EP400: variants seen among roughly 807,000 people sequenced by gnomAD.
EP400 encodes E1A binding protein p400, also known as E1A-binding protein p400.
EP400 carries 105 observed loss-of-function variants against 354.1 expected under a neutral mutation model. The ratio of observed to expected loss-of-function variants is 0.30; its 90% CI spans 0.25 to 0.35. The LOEUF is 0.35. EP400 is among the 10% of genes least tolerant of loss of function. The pLI is 1.00. For missense variants in EP400, 3,280 were observed against 4,121.0 expected, an observed-to-expected ratio of 0.80 and a Z score of 5.59; for synonymous variants, 1,646 against 1,716.9, an observed-to-expected ratio of 0.96 and a Z score of 1.02.
chr12:131,997,275 CTTTTTTTTTTTTT>C (rs918686798), intron 12 of EP400, among the ~76,000 whole-genome samples: 6 of 144,458 alleles, frequency 4.2e-5, no homozygotes, highest in Admixed American at 1.4e-4. Context: ...TTTTCTTTTT[CTTTTTTTTTTTTT>C]GAGACAGAGT....
intron 39 of EP400, among the ~76,000 whole-genome samples, chr12:132,048,293 T>C (rs1377276478): frequency 6.6e-6 from 1 of 152,172 alleles, no homozygotes; most frequent in African/African-American, 2.4e-5. Flanking sequence ...ACAATTTATG[T>C]TTAGAGATTG....
In EP400 at chr12:132,027,476, T is replaced by C; in HGVS notation, c.5054T>C (p.Val1685Ala). The stretch of plus-strand genomic sequence containing the variant: ...CGCGTGGCGGTGAATGCCTTGGCTG[T>C]AGGAGAACCCGGAACGGCCTCCAAA... ...PGRVAVNALA[V>A]GEPGTASKPA... Residue 1685 changes from valine (V) to alanine (A), a missense_variant, in exon 26 of 53, where the codon GTA becomes GCA. Around this residue, in one of 20 missense-constraint regions of EP400, gnomAD observed 459 missense variants for 496.9 expected, o/e 0.92. Coordinates refer to ENST00000389561, the MANE Select transcript of EP400 (RefSeq NM_015409.5). The surrounding 1 kb of genome is among the most constrained non-coding windows in gnomAD (Gnocchi z 4.9). 1 of 1,614,074 alleles carries C rather than the reference T, an allele frequency of 6.2e-7. No homozygotes were observed. Among genetic ancestry groups the C allele is most frequent in the South Asian group, 1.1e-5 (1 of 91,082 alleles).
rs58724167 is a variant in EP400, at chr12:132,073,459, C to CTTTTTTTTTTTTTTTTTTTTTTTTTTTT, written c.9022-3043_9022-3042insTTTTTTTTTTTTTTTTTTTTTTTTTTTT. Among the ~76,000 whole-genome samples the CTTTTTTTTTTTTTTTTTTTTTTTTTTTT allele has an allele frequency of 4.7e-4, 55 of 117,692 alleles. 11 individuals carry two copies. The highest frequency in any genetic ancestry group is 1.4e-3 in the African/African-American group (32 of 22,640). The allele number at this position is 117,692 out of a possible 152,430, so 77.2% of individuals were successfully genotyped here. On this transcript the variant is annotated intron_variant, in intron 51 of 52. Transcript: ENST00000389561. Reference sequence around the variant, plus strand: ...GTGCGTTTTAATTCTGTCCCTTTTCCTTTTTTTTTTTTTTGACACAGTCTT... The same window carrying CTTTTTTTTTTTTTTTTTTTTTTTTTTTT: ...GTGCGTTTTAATTCTGTCCCTTTTCCTTTTTTTTTTTTTTTTTTTTTTTTTTTTTTTTTTTTTTTTTTGACACAGTCTT...
rs1245023391 is a variant in EP400 at position 132,080,346 on chromosome 12, A to G, written c.*2673A>G. The G allele has an allele frequency of 6.5e-6, 1 of 152,682 alleles. No individual in the cohort carries two copies. Among genetic ancestry groups the G allele is most frequent in the African/African-American group, 2.4e-5 (1 of 41,468 alleles). The allele number at this position is 152,682 out of a possible 1,614,324, so 9.5% of individuals were successfully genotyped here. ...TTGTGTTTTAAGATAGAAAGGAACA[A>G]GACTAAAATTGTAAATACTTTGTAA... is the stretch of plus-strand genomic sequence containing the variant. On this transcript the variant is annotated 3_prime_UTR_variant, in exon 53 of 53. Transcript: ENST00000389561.
At position 132,050,215 on chromosome 12, in the gene EP400, A is replaced by G; in HGVS notation, c.7201-108A>G. On this transcript the variant is annotated intron_variant, in intron 39 of 52. Transcript: ENST00000389561. This position sits in a 1 kb window ranked among gnomAD's most constrained non-coding sequence, Gnocchi z 4.8. ...GCCCAGGAAAAGGAAGTTTGTGTTC[A>G]GCCATGGGGAGTTTAGCCTCAGATT... 1 of 1,336,164 alleles carries G rather than the reference A, an allele frequency of 7.5e-7. No homozygotes were observed. The highest frequency in any genetic ancestry group is 1.0e-6 in the Non-Finnish European group (1 of 972,866). 82.8% of individuals were successfully genotyped at this position (1,336,164 alleles called of 1,614,324 possible).
intron 2 of EP400, among the ~76,000 whole-genome samples, chr12:131,966,039 A>G (rs1446308027): frequency 7.2e-6 from 1 of 139,276 alleles, no homozygotes; most frequent in Non-Finnish European, 1.6e-5. Context: ...GGCTGATTTC[A>G]AAAAAAAAAA....
At chr12:131,956,197 G>A (rs954493671) in intron 1 of EP400, among the ~76,000 whole-genome samples, 1 of 152,196 alleles carries the variant, frequency 6.6e-6, no homozygotes, top group African/African-American at 2.4e-5. Flanking sequence ...CAACTGTGTT[G>A]TGGGTGTGTC....
chr12:132,000,874 TCA>T (rs1334417162), intron 12 of EP400, among the ~76,000 whole-genome samples: 1 of 152,256 alleles, frequency 6.6e-6, no homozygotes, highest in Non-Finnish European at 1.5e-5. Flanking sequence ...TGCTCTGTAT[TCA>T]GACTTTCAGT....
chr12:132,060,305 CACTG>C (rs1438277195), intron 45 of EP400, among the ~76,000 whole-genome samples: 2 of 152,108 alleles, frequency 1.3e-5, no homozygotes, highest in Non-Finnish European at 2.9e-5. Context: ...GATAGGTAGT[CACTG>C]ACTATCAGAC....
intron 2 of EP400, among the ~76,000 whole-genome samples, chr12:131,978,944 C>T (rs934484012): frequency 1.3e-5 from 2 of 151,998 alleles, no homozygotes; most frequent in African/African-American, 2.4e-5. Context: ...TGGCTGGGTG[C>T]GGTGGCTCAC....
chr12:131,979,647 A>G, intron 2 of EP400, 47 bp from the exon 3 acceptor site: 3 of 1,521,490 alleles, frequency 2.0e-6, no homozygotes, highest in Middle Eastern at 1.7e-4. Flanking sequence ...TTATTCTTGT[A>G]ATGGCCTTCA....
Position 131,982,174 on chromosome 12 carries a change from C to T in EP400, c.1625C>T (p.Pro542Leu), listed in dbSNP as rs1030129109. The T allele has an allele frequency of 6.2e-7, 1 of 1,611,644 alleles. No individual in the cohort carries two copies. The highest frequency in any genetic ancestry group is 1.3e-5 in the African/African-American group (1 of 75,020). ...SQQQYDPSTGPPVQNAASLHT... is the reference protein window; with the variant it reads ...SQQQYDPSTGLPVQNAASLHT... ...CAGCAGTATGACCCCTCCACGGGGC[C>T]TCCCGTGCAGAACGCTGCCAGCTTG... Residue 542 changes from proline (P) to leucine (L), a missense_variant, in exon 5 of 53, where the codon CCT (proline) becomes CTT (leucine). Physicochemically the swap from Pro to Leu is moderately conservative, Grantham distance 98. Around this residue, in one of 20 missense-constraint regions of EP400, gnomAD observed 800 missense variants for 840.0 expected, o/e 0.95. Coordinates refer to ENST00000389561, the MANE Select transcript of EP400 (RefSeq NM_015409.5).
At chr12:132,071,722 C>T (rs899520824) in intron 51 of EP400, among the ~76,000 whole-genome samples, 5 of 152,128 alleles carry the variant, frequency 3.3e-5, no homozygotes, top group Admixed American at 2.0e-4. Context: ...CCCTGCTGCC[C>T]ACGGCTCCTG....
chr12:132,034,055 G>T (rs1894612566), intron 30 of EP400, among the ~76,000 whole-genome samples: 1 of 152,182 alleles, frequency 6.6e-6, no homozygotes, highest in South Asian at 2.1e-4. Flanking sequence ...GGCTCACACT[G>T]TGTCTTCTTT....
chr12:132,028,322 C>G (rs1470125326), intron 27 of EP400, 34 bp downstream of exon 27: 3 of 1,601,444 alleles, frequency 1.9e-6, no homozygotes, highest in Non-Finnish European at 2.6e-6. Flanking sequence ...TCGGTGCTCT[C>G]TGGCTGCATT....
chr12:131,979,604 G>T (rs1420909063), intron 2 of EP400, 90 bp from the exon 3 acceptor site: 1 of 1,140,782 alleles, frequency 8.8e-7, no homozygotes, highest in Non-Finnish European at 1.2e-6. Flanking sequence ...AAGGAAGGAG[G>T]TCGATGTTTG....
chr12:132,055,273 G>T, intron 45 of EP400, 65 bp downstream of exon 45: 2 of 1,291,870 alleles, frequency 1.5e-6, no homozygotes, highest in Non-Finnish European at 2.1e-6. Context: ...TTGCTTGTCT[G>T]TTAATTCTTC....
Position 132,017,697 on chromosome 12 carries a change from G to A in EP400, c.4086G>A (p.Lys1362=), listed in dbSNP as rs1047731806. 2.0e-6 allele frequency: 3 copies of A among 1,532,920 alleles called. No homozygotes were observed. The East Asian group carries it at 7.0e-5, about 36-fold the overall frequency. 95.0% of individuals were successfully genotyped at this position (1,532,920 alleles called of 1,614,324 possible). A position where few individuals can be genotyped will look rare whatever the true frequency, so the allele number is the denominator to read the frequency against. ...LEYPSASLIL[K]ALERDFWKEA... ...ATCCGTCCGCATCTCTAATCCTGAA[G>A]GCACTGGAGAGAGATTTCTGGAAGG... Residue 1362 remains lysine (K), a synonymous_variant, in exon 20 of 53, where the codon AAG becomes AAA. Transcript: ENST00000389561. The surrounding 1 kb of genome is among the most constrained non-coding windows in gnomAD (Gnocchi z 5.0).
chr12:132,011,632 C>A lies in EP400; in HGVS notation c.3439C>A (p.Gln1147Lys). 6.3e-7 allele frequency: 1 copy of A among 1,591,000 alleles called. No individual in the cohort carries two copies. The highest frequency in any genetic ancestry group is 2.2e-5 in the East Asian group (1 of 44,606). ...CCACAGAGAACTCAAAGCAAAGAGA[C>A]AGGTATTTTTTTTTTAAACATAAAA... ...GSHRELKAKRQEWAEPNSFHV... is the reference protein window; with the variant it reads ...GSHRELKAKRKEWAEPNSFHV... Residue 1147 changes from glutamine (Q) to lysine (K), a missense_variant and splice_region_variant, in exon 16 of 53, where the codon CAG becomes AAG. Transcript: ENST00000389561.
Sources: allele counts gnomAD v4.1 joint callset (sites outside exome capture counted in the v4.1 genomes callset), GRCh38; gene constraint gnomAD v4.1.1; regional missense constraint gnomAD v4.1.1; non-coding constraint Gnocchi (gnomAD v3.1); transcripts MANE v1.5; gene names NCBI Gene and HGNC (gene_info 2026-07-23, HGNC 2026-07-21).